Variants in USF3 observed in about 807,000 individuals in gnomAD.
USF3 encodes basic helix-loop-helix domain-containing protein USF3.
Under a neutral mutation model 157.5 loss-of-function variants are expected in USF3, and 29 were observed. The ratio of observed to expected loss-of-function variants is 0.18; its 90% CI spans 0.14 to 0.25. The LOEUF (loss-of-function observed/expected upper bound fraction) is 0.25, where lower values mean the gene tolerates loss of function less well. Ranked by LOEUF, USF3 falls within the 10% of genes least tolerant of loss-of-function variation. USF3 has a pLI of 1.00. For synonymous variants in USF3, 893 were observed against 941.4 expected (o/e 0.95, Z 0.94); for missense variants, 2,381 against 2,667.6 (o/e 0.89, Z 2.37).
intron 4 of USF3, among the ~76,000 whole-genome samples, chr3:113,671,121 C>T (rs1707145105): frequency 6.6e-6 from 1 of 152,166 alleles, no homozygotes; most frequent in South Asian, 2.1e-4. Flanking sequence ...TATTTCATTA[C>T]TACTAGGCCA....
chr3:113,670,179 AT>A lies in USF3; in HGVS notation c.100del (p.Ile34LeufsTer5). On this transcript the variant is annotated frameshift_variant, in exon 5 of 7. Coordinates refer to ENST00000316407, the MANE Select transcript of USF3 (RefSeq NM_001009899.4). LOFTEE classifies it high-confidence loss of function. ...TCCTATTCTGTTTATCCCAGCATTA[AT>A]TTTCTTCTTTCTATGCCTCTCCACT... ...NAVERHRKKK[I>X]NAGINRIGEL... The A allele has an allele frequency of 6.2e-7, 1 of 1,613,128 alleles. No individual in the cohort carries two copies. Among genetic ancestry groups the A allele is most frequent in the South Asian group, 1.1e-5 (1 of 91,074 alleles).
chr3:113,695,970 G>C (rs955187331), intron 1 of USF3, among the ~76,000 whole-genome samples: 1 of 152,246 alleles, frequency 6.6e-6, no homozygotes, highest in Non-Finnish European at 1.5e-5. Context: ...AGGAAAGAAG[G>C]GGAATGAAGA....
chr3:113,676,886 C>T (rs1010402533), intron 2 of USF3, among the ~76,000 whole-genome samples: 5 of 152,160 alleles, frequency 3.3e-5, no homozygotes, highest in African/African-American at 9.7e-5. Flanking sequence ...AACAGTATTA[C>T]ATTATTGGAT....
rs979047478 is a variant in USF3, at chr3:113,652,301, T to C, written c.*2643A>G. The C allele has an allele frequency of 2.6e-5, 4 of 152,062 alleles. No individual in the cohort carries two copies. The highest frequency in any genetic ancestry group is 5.9e-5 in the Non-Finnish European group (4 of 68,002). The allele number at this position is 152,062 out of a possible 1,614,324, so 9.4% of individuals were successfully genotyped here. ...AAAATTTGAACGTTGCAGCTTAAAA[T>C]TCAGTTAAGAGAATTAAAAAGCAAG... On this transcript the variant is annotated 3_prime_UTR_variant, in exon 7 of 7. Coordinates refer to ENST00000316407, the MANE Select transcript of USF3 (RefSeq NM_001009899.4).
Position 113,649,955 on chromosome 3 carries a change from G to T in USF3, c.*4989C>A, listed in dbSNP as rs1056769188. On this transcript the variant is annotated 3_prime_UTR_variant, in exon 7 of 7. Coordinates refer to ENST00000316407, the MANE Select transcript of USF3 (RefSeq NM_001009899.4). ...AAAATGGTAATGTTCAGCCAAAAAG[G>T]CATCTTGAGAAGAAACTAACTTCTG... 4.5e-6 allele frequency: 3 copies of T among 669,100 alleles called. No individual in the cohort carries two copies. The highest frequency in any genetic ancestry group is 1.6e-5 in the South Asian group (1 of 61,354). 41.4% of individuals were successfully genotyped at this position (669,100 alleles called of 1,614,324 possible).
chr3:113,687,808 C>A (rs950402964), intron 1 of USF3, among the ~76,000 whole-genome samples: 1 of 152,212 alleles, frequency 6.6e-6, no homozygotes, highest in Non-Finnish European at 1.5e-5. Flanking sequence ...TCCTTTAAGG[C>A]AGGAACAACT....
At chr3:113,690,157 A>G (rs1247106472) in intron 1 of USF3, among the ~76,000 whole-genome samples, 1 of 151,970 alleles carries the variant, frequency 6.6e-6, no homozygotes, top group Non-Finnish European at 1.5e-5. Context: ...CATTTTATCA[A>G]TGACACCAAA....
chr3:113,657,776 A>G lies in USF3; in HGVS notation c.3906T>C (p.Thr1302=). Residue 1302 remains threonine (T), a synonymous_variant, in exon 7 of 7, where the codon ACT becomes ACC. Coordinates refer to ENST00000316407, the MANE Select transcript of USF3 (RefSeq NM_001009899.4). ...GTGAATTTGGTATGGTACTAGTCAT[A>G]GTATTTAGCTGTTCTTGGGAATATT... ...MTEYSQEQLN[T]MTSTIPNSQI... 6.2e-7 allele frequency: 1 copy of G among 1,614,122 alleles called. No homozygotes were observed. Among genetic ancestry groups the G allele is most frequent in the Non-Finnish European group, 8.5e-7 (1 of 1,180,008 alleles).
Position 113,657,740 on chromosome 3 carries a change from C to T in USF3, c.3942G>A (p.Glu1314=), listed in dbSNP as rs1302495591. ...TTTCATGGCTTGGCTTTAAGAGTGG[C>T]TCTTGAATCTGTGAATTTGGTATGG... ...TSTIPNSQIQ[E]PLLKPSHESR... is the part of the protein sequence containing the mutation. The change falls in exon 7 of 7, where the codon GAG becomes GAA. Residue 1314 remains glutamate, a synonymous_variant. Transcript: ENST00000316407. 1.2e-6 allele frequency: 2 copies of T among 1,614,102 alleles called. No homozygotes were observed. The highest frequency in any genetic ancestry group is 2.7e-5 in the African/African-American group (2 of 75,014).
Position 113,655,498 on chromosome 3 carries a change from T to G in USF3, c.6184A>C (p.Asn2062His). 1.2e-6 allele frequency: 2 copies of G among 1,614,058 alleles called. No homozygotes were observed. Among genetic ancestry groups the G allele is most frequent in the South Asian group, 1.1e-5 (1 of 91,076 alleles). Residue 2062 changes from asparagine (N) to histidine (H), a missense_variant, in exon 7 of 7, where the codon AAT becomes CAT. Transcript: ENST00000316407. ...SGPDQHTLSQ[N>H]FGFSFIPEGG... ...TCAGGAATAAAAGAAAAACCAAAAT[T>G]TTGTGATAGTGTATGCTGGTCAGGA...
intron 1 of USF3, among the ~76,000 whole-genome samples, chr3:113,681,605 T>A (rs1707431600): frequency 6.7e-6 from 1 of 149,868 alleles, no homozygotes; most frequent in Admixed American, 6.7e-5. Flanking sequence ...TTTCACCATG[T>A]TGGCCAGGCT....
chr3:113,658,401 C>T lies in USF3; in HGVS notation c.3281G>A (p.Ser1094Asn), dbSNP rs568747717. The T allele has an allele frequency of 1.4e-5, 23 of 1,614,162 alleles. No individual in the cohort carries two copies. The highest frequency in any genetic ancestry group is 1.7e-5 in the Admixed American group (1 of 60,026). The stretch of plus-strand genomic sequence containing the variant: ...GGATGCAACTGAGAAACTACGACTA[C>T]TGCCAGAGCTGGTTGACATGGGAGA... ...ADSPMSTSSG[S>N]SRSFSVASML... Residue 1094 changes from serine to asparagine, a missense_variant, in exon 7 of 7, where the codon AGT (serine) becomes AAT (asparagine). Transcript: ENST00000316407.
intron 4 of USF3, among the ~76,000 whole-genome samples, chr3:113,672,106 TTAGTAAGTTATGG>T (rs1464439337): frequency 6.6e-6 from 1 of 151,896 alleles, no homozygotes; most frequent in Non-Finnish European, 1.5e-5. Context: ...TTAGTCTTTC[TTAGTAAGTTATGG>T]TAAACACATC....
chr3:113,666,438 A>G (rs1364356307), intron 5 of USF3, among the ~76,000 whole-genome samples: 4 of 146,598 alleles, frequency 2.7e-5, no homozygotes, highest in Non-Finnish European at 4.5e-5. Context: ...TTTTTGGTAG[A>G]GACGGGGTTT....
Position 113,661,363 on chromosome 3 carries a change from T to C in USF3, c.319A>G (p.Ile107Val). The change falls in exon 7 of 7, where the codon ATT (isoleucine) becomes GTT (valine). Residue 107 changes from isoleucine (I) to valine (V), a missense_variant. Around this residue, in one of 6 missense-constraint regions of USF3, gnomAD observed 105 missense variants for 158.6 expected, o/e 0.66. Transcript: ENST00000316407. ...ATGTCATTAGCTTTCAGTAATTCAA[T>C]ATATCGGCCATTTTCTTTTTGGATT... The part of the protein sequence containing the change: ...EEIQKENGRY[I>V]ELLKANDICL... 1 of 1,593,742 alleles carries C rather than the reference T, an allele frequency of 6.3e-7. No individual in the cohort carries two copies. Among genetic ancestry groups the C allele is most frequent in the South Asian group, 1.2e-5 (1 of 85,846 alleles).
Position 113,681,971 on chromosome 3 carries a change from G to A in USF3, c.-134-4574C>T, listed in dbSNP as rs908663297. On this transcript the variant is annotated intron_variant, in intron 1 of 6. Transcript: ENST00000316407. ...CTTGACCTTGTGATCCACCCGCCTC[G>A]GCCTCCCAAAGTCCTCGGATTACAG... 2.6e-5 allele frequency among the ~76,000 whole-genome samples: 4 copies of A among 152,066 alleles called. No homozygotes were observed. In the East Asian group the frequency reaches 5.8e-4, roughly 22 times the overall value.
chr3:113,683,946 T>C (rs1707493272), intron 1 of USF3, among the ~76,000 whole-genome samples: 1 of 152,274 alleles, frequency 6.6e-6, no homozygotes, highest in Non-Finnish European at 1.5e-5. Flanking sequence ...GTATTTACTG[T>C]TACCACGTAC....
In USF3 at chr3:113,675,621, TCTGA is replaced by T. The variant is rs774608354; in HGVS notation, c.-18-729_-18-726del. ...ATATTTTGGTGATTTCATTCTCTTC[TCTGA>T]CTTTCAAAAATTTCATAATGAAAGC... On this transcript the variant is annotated intron_variant, in intron 2 of 6. Coordinates refer to ENST00000316407, the MANE Select transcript of USF3 (RefSeq NM_001009899.4). 5.9e-5 allele frequency among the ~76,000 whole-genome samples: 9 copies of T among 152,204 alleles called. 1 individual carries two copies. The highest frequency in any genetic ancestry group is 5.8e-4 in the East Asian group (3 of 5,196).
chr3:113,695,931 G>A (rs1022716720), intron 1 of USF3, among the ~76,000 whole-genome samples: 3 of 152,250 alleles, frequency 2.0e-5, no homozygotes, highest in African/African-American at 7.2e-5. Flanking sequence ...TGAGTCTGAC[G>A]AACGGGTACG....
Sources: allele counts gnomAD v4.1 joint callset (sites outside exome capture counted in the v4.1 genomes callset), GRCh38; gene constraint gnomAD v4.1.1; regional missense constraint gnomAD v4.1.1; transcripts MANE v1.5; gene names NCBI Gene and HGNC (gene_info 2026-07-23, HGNC 2026-07-21).